Variants in CYFIP1 observed in about 807,000 individuals in gnomAD.
The protein encoded by CYFIP1 is cytoplasmic FMR1 interacting protein 1, also known as cytoplasmic FMR1-interacting protein 1.
A neutral mutation model predicts 163.5 loss-of-function variants in CYFIP1; 58 were observed. The observed-to-expected ratio is 0.35, with a 90% CI of 0.29 to 0.44. The LOEUF (loss-of-function observed/expected upper bound fraction) is 0.44. Among genes scored for constraint, CYFIP1 ranks in the 20% least tolerant of loss-of-function variants. The probability of loss-of-function intolerance (pLI) is 1.00; values close to 1 mark genes in which losing one functional copy is unlikely to be tolerated. For missense variants in CYFIP1, 1,338 were observed against 1,653.8 expected (o/e 0.81, Z 3.31); for synonymous variants, 663 against 660.7 (o/e 1.00, Z -0.05).
intron 1 of CYFIP1, among the ~76,000 whole-genome samples, chr15:22,971,100 A>C (rs1470930200): frequency 6.6e-6 from 1 of 152,162 alleles, no homozygotes; most frequent in Non-Finnish European, 1.5e-5. Context: ...CACACACACA[A>C]AAAAGAAAAG....
rs139759342 is a variant in CYFIP1, at chr15:22,979,848, C to A, written c.-7+439G>T. On this transcript the variant is annotated intron_variant, in intron 1 of 30. Transcript: ENST00000617928. ...AACGGGTTCAGATCTTGCTGCGCGA[C>A]CTTAGTGCAACATTAACAATCTGCC... 3.1e-3 allele frequency among the ~76,000 whole-genome samples: 470 copies of A among 152,308 alleles called. 1 individual carries two copies. Among genetic ancestry groups the A allele is most frequent in the African/African-American group, 0.011 (440 of 41,570 alleles).
chr15:22,894,193 G>T (rs1053415759), intron 22 of CYFIP1, among the ~76,000 whole-genome samples: 2 of 150,004 alleles, frequency 1.3e-5, no homozygotes, highest in Non-Finnish European at 3.0e-5. Context: ...TGCGGGAGAA[G>T]ACAACAAATG....
At chr15:22,875,099 C>G (rs1450795752) in intron 27 of CYFIP1, 100 bp downstream of exon 27, 3 of 1,144,074 alleles carry the variant, frequency 2.6e-6, no homozygotes, top group African/African-American at 3.0e-5. Flanking sequence ...AGGCGCCAAA[C>G]CCACAATCTG....
chr15:22,888,054 G>T (rs139148979), intron 23 of CYFIP1, among the ~76,000 whole-genome samples: 328 of 152,240 alleles, frequency 2.2e-3, no homozygotes, highest in African/African-American at 7.1e-3. Context: ...TGCTCAAAAG[G>T]GTGTCTTACT....
intron 25 of CYFIP1, among the ~76,000 whole-genome samples, chr15:22,880,436 A>G (rs1447086317): frequency 6.6e-6 from 1 of 152,228 alleles, no homozygotes; most frequent in Non-Finnish European, 1.5e-5. Flanking sequence ...AATCTGAGAA[A>G]GGGCATCTAG....
chr15:22,891,869 G>A (rs1289389563), intron 23 of CYFIP1, among the ~76,000 whole-genome samples: 1 of 152,244 alleles, frequency 6.6e-6, no homozygotes, highest in Non-Finnish European at 1.5e-5. Context: ...GCCAGCTGGT[G>A]CGTTAGAAAG....
rs1212617342 is a variant in CYFIP1 at position 22,869,563 on chromosome 15, A to G, written c.*465T>C. 2.0e-5 allele frequency: 3 copies of G among 152,690 alleles called. No individual in the cohort carries two copies. The highest frequency in any genetic ancestry group is 6.5e-5 in the Admixed American group (1 of 15,276). 9.5% of individuals were successfully genotyped at this position (152,690 alleles called of 1,614,324 possible). On this transcript the variant is annotated 3_prime_UTR_variant, in exon 31 of 31. Transcript: ENST00000617928. ...TGGAAGCAGGGGAATCAAGTTCACT[A>G]TTTTCTGAAACACACAAAAAAGGGA...
At chr15:22,895,035 GAC>G (rs1159906836) in intron 22 of CYFIP1, among the ~76,000 whole-genome samples, 8 of 141,378 alleles carry the variant, frequency 5.7e-5, no homozygotes, top group Non-Finnish European at 1.2e-4. Context: ...TTTTTTTTTA[GAC>G]AGAGTCTTGC....
At chr15:22,951,656 A>T in intron 1 of CYFIP1, 1 of 864,102 alleles carries the variant, frequency 1.2e-6, no homozygotes, top group East Asian at 6.5e-5. Context: ...CAACAAGAAG[A>T]CAGGTCGGAC....
chr15:22,972,400 G>T (rs1340631179), intron 1 of CYFIP1, among the ~76,000 whole-genome samples: 1 of 152,178 alleles, frequency 6.6e-6, no homozygotes, highest in African/African-American at 2.4e-5. Flanking sequence ...TTGCGCCATT[G>T]CACTCCAGCC....
At position 22,869,688 on chromosome 15, in the gene CYFIP1, A is replaced by T. The variant is rs1034201000; in HGVS notation, c.*340T>A. ...TACAGTTAATGGTAACTGGCAAGGGATTTAATGCATTTGCTGGTATTAAGT... is the reference window on the plus strand; with the variant it reads ...TACAGTTAATGGTAACTGGCAAGGGTTTTAATGCATTTGCTGGTATTAAGT... On this transcript the variant is annotated 3_prime_UTR_variant, in exon 31 of 31. Coordinates refer to ENST00000617928, the MANE Select transcript of CYFIP1 (RefSeq NM_014608.6). The T allele has an allele frequency of 5.5e-6, 1 of 181,284 alleles. No homozygotes were observed. Among genetic ancestry groups the T allele is most frequent in the African/African-American group, 2.3e-5 (1 of 42,664 alleles). The allele number at this position is 181,284 out of a possible 1,614,324, so 11.2% of individuals were successfully genotyped here. A position where few individuals can be genotyped will look rare whatever the true frequency, so the allele number is the denominator to read the frequency against.
intron 30 of CYFIP1, among the ~76,000 whole-genome samples, chr15:22,872,020 GC>G: frequency 6.6e-6 from 1 of 152,238 alleles, no homozygotes; most frequent in South Asian, 2.1e-4. Flanking sequence ...ACAGGGCTGG[GC>G]GCGCCTGTAA....
intron 22 of CYFIP1, among the ~76,000 whole-genome samples, chr15:22,900,681 T>G (rs756072127): frequency 3.3e-5 from 5 of 151,078 alleles, no homozygotes; most frequent in Admixed American, 1.3e-4. Context: ...ATTACAGGCA[T>G]GAGCCACCGT....
At chr15:22,899,765 C>T (rs538872192) in intron 22 of CYFIP1, among the ~76,000 whole-genome samples, 96 of 152,056 alleles carry the variant, frequency 6.3e-4, no homozygotes, top group Non-Finnish European at 7.4e-5. Flanking sequence ...ACAGTATGTT[C>T]GTCCAGGTGC....
intron 1 of CYFIP1, among the ~76,000 whole-genome samples, chr15:22,965,183 G>C (rs921014466): frequency 6.6e-6 from 1 of 152,212 alleles, no homozygotes; most frequent in African/African-American, 2.4e-5. Flanking sequence ...TACTGTCTGG[G>C]TGTGGTGGCT....
rs114526592 is a variant in CYFIP1 at position 22,962,824 on chromosome 15, C to T, written c.-6-15533G>A. ...CCACTGCTATTACGAGACGCATGCA[C>T]GCTGCCAGGCGGTGCTCCTGAAGCA... On this transcript the variant is annotated intron_variant, in intron 1 of 30. Transcript: ENST00000617928. Among the ~76,000 whole-genome samples the T allele has an allele frequency of 3.7e-3, 558 of 152,328 alleles. 5 individuals carry two copies. The highest frequency in any genetic ancestry group is 0.013 in the African/African-American group (528 of 41,570).
At chr15:22,943,722 G>A (rs2061966769) in intron 5 of CYFIP1, among the ~76,000 whole-genome samples, 1 of 152,142 alleles carries the variant, frequency 6.6e-6, no homozygotes, top group Admixed American at 6.5e-5. Context: ...TAACTTTCAA[G>A]GTAAAACAAA....
intron 1 of CYFIP1, among the ~76,000 whole-genome samples, chr15:22,969,820 A>AC (rs946403861): frequency 2.0e-5 from 3 of 152,226 alleles, no homozygotes; most frequent in African/African-American, 7.2e-5. Context: ...AAAAGGACAT[A>AC]CCATGCAAAG....
intron 3 of CYFIP1, among the ~76,000 whole-genome samples, chr15:22,945,562 G>C (rs1433237944): frequency 1.3e-5 from 2 of 151,166 alleles, no homozygotes; most frequent in South Asian, 2.1e-4. Flanking sequence ...TATTTAGTGA[G>C]ACGTTCATCA....
Sources: gnomAD v4.1 joint callset for allele counts (sites outside exome capture counted in the v4.1 genomes callset) on GRCh38, gnomAD v4.1.1 for gene constraint, MANE v1.5 for transcripts, NCBI Gene and HGNC (gene_info 2026-07-23, HGNC 2026-07-21) for gene names.